Variants in DIP2A observed in about 807,000 individuals in gnomAD.
The protein encoded by DIP2A is DIP2 acetate--CoA ligase A.
A neutral mutation model predicts 177.4 loss-of-function variants in DIP2A; 85 were observed. That is an observed-to-expected ratio of 0.48 (90% confidence interval 0.40 to 0.57). The LOEUF (loss-of-function observed/expected upper bound fraction) is 0.57. Among genes scored for constraint, DIP2A ranks in the 20% least tolerant of loss-of-function variants. The pLI is 0.00. For missense variants in DIP2A, 1,791 were observed against 2,100.2 expected (o/e 0.85, Z 2.88); for synonymous variants, 886 against 881.8 (o/e 1.00, Z -0.08).
chr21:46,507,170 T>G (rs191317873), intron 6 of DIP2A, among the ~76,000 whole-genome samples: 197 of 152,320 alleles, frequency 1.3e-3, no homozygotes, highest in Non-Finnish European at 2.1e-3. Flanking sequence ...TTTCTCCCAG[T>G]CTGGCTTGCT....
At position 46,557,828 on chromosome 21, in the gene DIP2A, A is replaced by T. The variant is rs2060520422; in HGVS notation, c.3798+75A>T. 2 of 1,508,268 alleles carry T rather than the reference A, an allele frequency of 1.3e-6. No homozygotes were observed. Among genetic ancestry groups the T allele is most frequent in the African/African-American group, 2.8e-5 (2 of 72,332 alleles). The allele number at this position is 1,508,268 out of a possible 1,614,324, so 93.4% of individuals were successfully genotyped here. On this transcript the variant is annotated intron_variant, in intron 31 of 37. Transcript: ENST00000417564. This position sits in a 1 kb window ranked among gnomAD's most constrained non-coding sequence, Gnocchi z 6.0. ...GGAAGTTTAAAAACAACAAAACAAAACAAGACTCCCAAGGCCCCTCCCTGC... is the reference window on the plus strand; with the variant it reads ...GGAAGTTTAAAAACAACAAAACAAATCAAGACTCCCAAGGCCCCTCCCTGC...
chr21:46,535,981 G>A lies in DIP2A; in HGVS notation c.1643-1243G>A, dbSNP rs1328550928. 3.3e-5 allele frequency among the ~76,000 whole-genome samples: 5 copies of A among 152,284 alleles called. No homozygotes were observed. In the South Asian group the frequency reaches 6.2e-4, roughly 19 times the overall value. On this transcript the variant is annotated intron_variant, in intron 13 of 37. Coordinates refer to ENST00000417564, the MANE Select transcript of DIP2A (RefSeq NM_015151.4). ...CCAGCTTGCTAAGGAGGGGTGAACC[G>A]ACCCAAGTAGGAAAGGGAGCAGGTC...
At chr21:46,519,030 G>A (rs118093378) in intron 8 of DIP2A, among the ~76,000 whole-genome samples, 6,340 of 152,310 alleles carry the variant, frequency 0.042, 200 homozygotes, top group Non-Finnish European at 0.063. Context: ...TTCTGGGAAA[G>A]GGGTGGGCAG....
chr21:46,498,293 G>A lies in DIP2A; in HGVS notation c.404-289G>A, dbSNP rs1311339036. ...CCCCACTGAGGTATATGCTGAAGCCGTTTAGGAGATCAGAGGCTGTCTTCA... is the reference window on the plus strand; with the variant it reads ...CCCCACTGAGGTATATGCTGAAGCCATTTAGGAGATCAGAGGCTGTCTTCA... On this transcript the variant is annotated intron_variant, in intron 4 of 37. Coordinates refer to ENST00000417564, the MANE Select transcript of DIP2A (RefSeq NM_015151.4). The surrounding 1 kb of genome is among the most constrained non-coding windows in gnomAD (Gnocchi z 4.3). 1.3e-5 allele frequency among the ~76,000 whole-genome samples: 2 copies of A among 152,200 alleles called. No homozygotes were observed. Among genetic ancestry groups the A allele is most frequent in the African/African-American group, 4.8e-5 (2 of 41,442 alleles).
At chr21:46,560,809 C>G in intron 33 of DIP2A, 26 bp downstream of exon 33, 1 of 1,587,936 alleles carries the variant, frequency 6.3e-7, no homozygotes, top group Non-Finnish European at 8.6e-7. Flanking sequence ...TGCCTGGGCC[C>G]CATGGATACC....
At chr21:46,539,510 G>A in intron 16 of DIP2A, 1 of 338,074 alleles carries the variant, frequency 3.0e-6, no homozygotes, top group Non-Finnish European at 5.8e-6. Context: ...GGTCCCCATG[G>A]TGGAGTCAGA....
intron 17 of DIP2A, among the ~76,000 whole-genome samples, chr21:46,541,460 T>C (rs1454692940): frequency 6.6e-6 from 1 of 152,138 alleles, no homozygotes; most frequent in East Asian, 1.9e-4. Context: ...CAGGCGAGTG[T>C]CCCAAGACAA....
rs778443773 is a variant in DIP2A, at chr21:46,545,956, G to C, written c.2389G>C (p.Gly797Arg). The C allele has an allele frequency of 2.5e-6, 4 of 1,613,936 alleles. No individual in the cohort carries two copies. Among genetic ancestry groups the C allele is most frequent in the East Asian group, 4.5e-5 (2 of 44,868 alleles). Reference protein sequence around the residue: ...FTRTGLLGFIGPDNLVFIVGK... With the variant: ...FTRTGLLGFIRPDNLVFIVGK... ...CAGGACAGGCCTGCTGGGCTTCATCGGGCCTGTGAGTATGTCCTCCTGTAC... is the reference window on the plus strand; with the variant it reads ...CAGGACAGGCCTGCTGGGCTTCATCCGGCCTGTGAGTATGTCCTCCTGTAC... The change falls in exon 20 of 38, where the codon GGG (glycine) becomes CGG (arginine). Residue 797 changes from glycine (G) to arginine (R), a missense_variant. By Grantham distance (125) the Gly-to-Arg change is moderately radical. Coordinates refer to ENST00000417564, the MANE Select transcript of DIP2A (RefSeq NM_015151.4).
At chr21:46,555,217 C>A (rs1361464728) in intron 28 of DIP2A, among the ~76,000 whole-genome samples, 1 of 152,248 alleles carries the variant, frequency 6.6e-6, no homozygotes, top group African/African-American at 2.4e-5. Context: ...GGGCTGGCAG[C>A]TCTCTGAGGC....
chr21:46,480,000 C>G (rs965515303), intron 1 of DIP2A, among the ~76,000 whole-genome samples: 2 of 151,678 alleles, frequency 1.3e-5, no homozygotes, highest in Non-Finnish European at 2.9e-5. Context: ...CAAAATATTA[C>G]TCTTCACAGA....
the DIP2A span, among the ~76,000 whole-genome samples, chr21:46,578,731 T>C: frequency 6.6e-6 from 1 of 152,378 alleles, no homozygotes; most frequent in Middle Eastern, 3.4e-3. Flanking sequence ...TTTTCATCTT[T>C]TGTTCCATTT....
chr21:46,494,746 T>C (rs2057211293), intron 3 of DIP2A, among the ~76,000 whole-genome samples: 1 of 152,238 alleles, frequency 6.6e-6, no homozygotes, highest in Admixed American at 6.5e-5. Flanking sequence ...CAGTATCATA[T>C]TTGATGTTTC....
intron 2 of DIP2A, among the ~76,000 whole-genome samples, chr21:46,487,341 A>G (rs934355136): frequency 2.0e-5 from 3 of 152,232 alleles, no homozygotes; most frequent in Admixed American, 6.5e-5. Context: ...ATTGAAGGAA[A>G]CTATTAAAAT....
intron 3 of DIP2A, among the ~76,000 whole-genome samples, chr21:46,496,432 C>G (rs945431343): frequency 6.6e-6 from 1 of 152,210 alleles, no homozygotes; most frequent in African/African-American, 2.4e-5. Flanking sequence ...ACCAGTCTAA[C>G]TTCAGTGTTT....
intron 25 of DIP2A, 200 bp from the exon 26 acceptor site, chr21:46,553,969 G>A: frequency 3.6e-6 from 2 of 558,764 alleles, no homozygotes; most frequent in Non-Finnish European, 5.8e-6. Flanking sequence ...TTCGAGACCA[G>A]CCTGGCCAAC....
chr21:46,510,782 C>G (rs959840362), intron 7 of DIP2A, among the ~76,000 whole-genome samples: 1 of 151,786 alleles, frequency 6.6e-6, no homozygotes, highest in African/African-American at 2.4e-5. Flanking sequence ...AGGCGTCCAC[C>G]ACCACACCTG....
chr21:46,564,807 A>G (rs979241183), intron 35 of DIP2A, among the ~76,000 whole-genome samples: 1 of 152,122 alleles, frequency 6.6e-6, no homozygotes, highest in Non-Finnish European at 1.5e-5. Context: ...CCGTGTCCTG[A>G]TGGGAAGGTG....
At chr21:46,464,625 G>A (rs1349437549) in intron 1 of DIP2A, among the ~76,000 whole-genome samples, 1 of 152,108 alleles carries the variant, frequency 6.6e-6, no homozygotes, top group Non-Finnish European at 1.5e-5. Context: ...ATGGTGGAAG[G>A]TGAGAAGGCA....
chr21:46,526,701 C>T (rs2059110399), intron 8 of DIP2A, among the ~76,000 whole-genome samples: 1 of 152,100 alleles, frequency 6.6e-6, no homozygotes, highest in Non-Finnish European at 1.5e-5. Context: ...GGCCTGTTTA[C>T]TCTGTATTGC....
Sources: gnomAD v4.1 joint callset for allele counts (sites outside exome capture counted in the v4.1 genomes callset) on GRCh38, gnomAD v4.1.1 for gene constraint, Gnocchi (gnomAD v3.1) non-coding constraint, MANE v1.5 for transcripts, NCBI Gene and HGNC (gene_info 2026-07-23, HGNC 2026-07-21) for gene names.